UBE2F: variants seen among roughly 807,000 people sequenced by gnomAD.
The protein encoded by UBE2F is ubiquitin conjugating enzyme E2 F (putative).
Under a neutral mutation model 29.6 loss-of-function variants are expected in UBE2F, and 5 were observed. The observed-to-expected ratio is 0.17, with a 90% CI of 0.09 to 0.36. The LOEUF (loss-of-function observed/expected upper bound fraction) is 0.36. UBE2F is among the 10% of genes least tolerant of loss of function. The pLI, the probability that UBE2F is intolerant of heterozygous loss-of-function variation, is 1.00. For synonymous variants in UBE2F, 66 were observed against 81.8 expected, an observed-to-expected ratio of 0.81 and a Z score of 1.04; for missense variants, 141 against 228.5, an observed-to-expected ratio of 0.62 and a Z score of 2.47.
At chr2:238,016,922 C>T (rs763307654) in intron 5 of UBE2F, among the ~76,000 whole-genome samples, 2 of 152,154 alleles carry the variant, frequency 1.3e-5, no homozygotes, top group Admixed American at 6.5e-5. Flanking sequence ...AGAAAAAAAG[C>T]ATTTAATAAA....
At chr2:238,002,406 T>C (rs959874724) in intron 4 of UBE2F, among the ~76,000 whole-genome samples, 1 of 152,198 alleles carries the variant, frequency 6.6e-6, no homozygotes, top group African/African-American at 2.4e-5. Flanking sequence ...TCTCCCAATT[T>C]TTATATTTTT....
At chr2:238,010,785 C>A (rs2064004803) in intron 4 of UBE2F, among the ~76,000 whole-genome samples, 1 of 152,190 alleles carries the variant, frequency 6.6e-6, no homozygotes, top group African/African-American at 2.4e-5. Context: ...CAAGAATGAT[C>A]TGTCAGCTGC....
chr2:238,002,732 C>T (rs1369895624), intron 4 of UBE2F, among the ~76,000 whole-genome samples: 1 of 152,168 alleles, frequency 6.6e-6, no homozygotes, highest in Non-Finnish European at 1.5e-5. Flanking sequence ...CTGTCTCAGC[C>T]TCCTGAGTAG....
intron 2 of UBE2F, among the ~76,000 whole-genome samples, chr2:237,976,003 A>ATGAT (rs1272634652): frequency 6.6e-6 from 1 of 152,154 alleles, no homozygotes; most frequent in Non-Finnish European, 1.5e-5. Flanking sequence ...ATCCAGCCTG[A>ATGAT]TGATTGGTTG....
At chr2:238,025,119 C>T in intron 5 of UBE2F, 1 of 542,998 alleles carries the variant, frequency 1.8e-6, no homozygotes, top group Non-Finnish European at 3.4e-6. Flanking sequence ...CACGGGTAGA[C>T]TTTGCTGCTG....
At chr2:238,022,825 C>CTG (rs2064327586) in intron 5 of UBE2F, among the ~76,000 whole-genome samples, 1 of 152,042 alleles carries the variant, frequency 6.6e-6, no homozygotes, top group Admixed American at 6.6e-5. Context: ...GTTGGTCTAG[C>CTG]TGTGGGCCAC....
At chr2:237,978,565 G>A (rs1265242450) in intron 2 of UBE2F, among the ~76,000 whole-genome samples, 3 of 152,210 alleles carry the variant, frequency 2.0e-5, no homozygotes, top group Non-Finnish European at 4.4e-5. Flanking sequence ...CCTCCAGATG[G>A]CCGCAAGGGC....
At chr2:238,023,424 T>C (rs979025708) in intron 5 of UBE2F, among the ~76,000 whole-genome samples, 2 of 152,210 alleles carry the variant, frequency 1.3e-5, no homozygotes, top group Admixed American at 1.3e-4. Context: ...ATCTACTGAT[T>C]TTGTGGTATT....
At position 238,041,282 on chromosome 2, in the gene UBE2F, C is replaced by T. The variant is rs373060159; in HGVS notation, c.508-6C>T. The stretch of plus-strand genomic sequence containing the variant: ...TCTTTCTGTCCCCAATGCTGTTACT[C>T]CACAGGAGGACTTCCGGAATAAAGT... On this transcript the variant is annotated splice_polypyrimidine_tract_variant and splice_region_variant and intron_variant, in intron 9 of 9. Transcript: ENST00000272930. 84 of 1,613,710 alleles carry T rather than the reference C, an allele frequency of 5.2e-5. 1 individual carries two copies. In the Middle Eastern group the frequency reaches 9.9e-4, roughly 19 times the overall value.
At chr2:237,978,309 C>T (rs930563054) in intron 2 of UBE2F, among the ~76,000 whole-genome samples, 18 of 152,188 alleles carry the variant, frequency 1.2e-4, no homozygotes, top group Admixed American at 3.3e-4. Context: ...GCCTTGCTCA[C>T]CTGTGATGTG....
intron 3 of UBE2F, among the ~76,000 whole-genome samples, chr2:237,992,714 T>C (rs2063614803): frequency 6.6e-6 from 1 of 152,206 alleles, no homozygotes; most frequent in Non-Finnish European, 1.5e-5. Context: ...ACCTGTATGA[T>C]CTTGGGCTAG....
In UBE2F at chr2:237,982,363, C is replaced by A. The variant is rs1271191454; in HGVS notation, c.119-5600C>A. Among the ~76,000 whole-genome samples, 3 of 152,190 alleles carry A rather than the reference C, an allele frequency of 2.0e-5. No individual in the cohort carries two copies. The highest frequency in any genetic ancestry group is 7.2e-5 in the African/African-American group (3 of 41,438). ...CACAGTCTTAGCACTGGTCAGTGGC[C>A]TCACTCTTCATTGTCCGTCTGTGCC... is the stretch of plus-strand genomic sequence containing the variant. On this transcript the variant is annotated intron_variant, in intron 2 of 9. Coordinates refer to ENST00000272930, the MANE Select transcript of UBE2F (RefSeq NM_080678.3). This position sits in a 1 kb window ranked among gnomAD's most constrained non-coding sequence, Gnocchi z 4.1.
At chr2:238,003,920 C>G (rs2063849238) in intron 4 of UBE2F, among the ~76,000 whole-genome samples, 1 of 152,192 alleles carries the variant, frequency 6.6e-6, no homozygotes, top group Non-Finnish European at 1.5e-5. Context: ...GATCCCCTCT[C>G]CATCCCCAGC....
intron 4 of UBE2F, among the ~76,000 whole-genome samples, chr2:238,002,236 T>TC: frequency 2.2e-5 from 1 of 44,956 alleles, no homozygotes; most frequent in African/African-American, 7.8e-5. Context: ...AGATAATTTT[T>TC]TTTTTTTCCT....
chr2:237,970,264 G>A (rs1238596931), intron 1 of UBE2F, among the ~76,000 whole-genome samples: 1 of 152,186 alleles, frequency 6.6e-6, no homozygotes, highest in Non-Finnish European at 1.5e-5. Context: ...GCTTTAGGAG[G>A]TGGAGGGTGC....
intron 4 of UBE2F, among the ~76,000 whole-genome samples, chr2:238,013,102 C>T (rs1356985583): frequency 1.3e-5 from 2 of 151,980 alleles, no homozygotes; most frequent in East Asian, 3.9e-4. Context: ...CATGGTGAGA[C>T]CCCATCTCTA....
chr2:237,992,749 A>G (rs1335510094), intron 3 of UBE2F, among the ~76,000 whole-genome samples: 49 of 152,280 alleles, frequency 3.2e-4, no homozygotes. Flanking sequence ...TAGACCTTCT[A>G]CTTATGTCTC....
Position 238,014,705 on chromosome 2 carries a change from G to A in UBE2F, c.215-1861G>A, listed in dbSNP as rs188460452. Among the ~76,000 whole-genome samples the A allele has an allele frequency of 3.3e-5, 5 of 152,340 alleles. No homozygotes were observed. The South Asian group carries it at 6.2e-4, about 19-fold the overall frequency. ...TGTAACAGTTCACAGAGTGGACTGC[G>A]TGGTTTGTAATGTTAAGCCTGGCAT... is the stretch of plus-strand genomic sequence containing the variant. On this transcript the variant is annotated intron_variant, in intron 4 of 9. Transcript: ENST00000272930.
chr2:237,979,941 T>C (rs543333813), intron 2 of UBE2F, among the ~76,000 whole-genome samples: 5 of 152,104 alleles, frequency 3.3e-5, no homozygotes, highest in South Asian at 2.1e-4. Flanking sequence ...CTGCACTCTG[T>C]AGTGTGAGGC....
Sources: allele counts gnomAD v4.1 joint callset (sites outside exome capture counted in the v4.1 genomes callset), GRCh38; gene constraint gnomAD v4.1.1; non-coding constraint Gnocchi (gnomAD v3.1); transcripts MANE v1.5; gene names NCBI Gene and HGNC (gene_info 2026-07-23, HGNC 2026-07-21).